DOCK3: variants seen among roughly 807,000 people sequenced by gnomAD.
DOCK3 encodes the protein dedicator of cytokinesis 3.
Under a neutral mutation model 265.6 loss-of-function variants are expected in DOCK3, and 60 were observed. The ratio of observed to expected loss-of-function variants is 0.23; its 90% CI spans 0.18 to 0.28. The LOEUF (loss-of-function observed/expected upper bound fraction) is 0.28. Ranked by LOEUF, DOCK3 falls within the 10% of genes least tolerant of loss-of-function variation. The pLI is 1.00. For missense variants in DOCK3, 1,981 were observed against 2,594.3 expected, an observed-to-expected ratio of 0.76 and a Z score of 5.14; for synonymous variants, 881 against 938.0, an observed-to-expected ratio of 0.94 and a Z score of 1.11.
intron 32 of DOCK3, among the ~76,000 whole-genome samples, chr3:51,328,030 G>T (rs780919992): frequency 2.0e-4 from 31 of 152,122 alleles, no homozygotes; most frequent in African/African-American, 4.8e-5. Flanking sequence ...ACTTGAATAG[G>T]TATCAGAAGC....
intron 5 of DOCK3, among the ~76,000 whole-genome samples, chr3:50,999,573 A>G (rs1046987766): frequency 6.6e-6 from 1 of 152,104 alleles, no homozygotes; most frequent in Non-Finnish European, 1.5e-5. Context: ...CGTACTGATG[A>G]CTCAGAAATT....
intron 29 of DOCK3, 135 bp from the exon 30 acceptor site, chr3:51,312,341 G>C: frequency 1.1e-6 from 1 of 908,818 alleles, no homozygotes; most frequent in Non-Finnish European, 1.7e-6. Context: ...TGTTTGCAAA[G>C]ATATTTAAAA....
intron 50 of DOCK3, 66 bp from the exon 51 acceptor site, chr3:51,375,682 C>G: frequency 6.3e-7 from 1 of 1,583,472 alleles, no homozygotes; most frequent in Non-Finnish European, 8.7e-7. Flanking sequence ...TCGTCGCCCA[C>G]AACACTGCCT....
chr3:50,914,918 A>G (rs904608127), intron 4 of DOCK3, among the ~76,000 whole-genome samples: 3 of 151,998 alleles, frequency 2.0e-5, no homozygotes, highest in African/African-American at 7.3e-5. Flanking sequence ...GCTGGGTTCT[A>G]GGTGGATGTT....
intron 27 of DOCK3, among the ~76,000 whole-genome samples, chr3:51,291,747 A>G (rs1327537331): frequency 1.3e-5 from 2 of 152,218 alleles, no homozygotes; most frequent in East Asian, 3.8e-4. Context: ...AACTCATTTC[A>G]TGGGGCTAGC....
chr3:50,741,741 G>C (rs1439290780), intron 1 of DOCK3, among the ~76,000 whole-genome samples: 33 of 151,920 alleles, frequency 2.2e-4, no homozygotes, highest in African/African-American at 5.3e-4. Context: ...ACATACGTGT[G>C]CGTGTGTCTT....
At chr3:51,063,134 G>C (rs1442150572) in intron 5 of DOCK3, among the ~76,000 whole-genome samples, 1 of 152,080 alleles carries the variant, frequency 6.6e-6, no homozygotes, top group Non-Finnish European at 1.5e-5. Flanking sequence ...TCTAATCCCA[G>C]CACTTTAGGG....
In DOCK3 at chr3:50,771,885, CAAAAT is replaced by C. The variant is rs1201889629; in HGVS notation, c.38-6785_38-6781del. 5.9e-5 allele frequency among the ~76,000 whole-genome samples: 9 copies of C among 152,020 alleles called. No homozygotes were observed. The South Asian group carries it at 1.5e-3, about 25-fold the overall frequency. On this transcript the variant is annotated intron_variant, in intron 1 of 52. Transcript: ENST00000266037. ...AACAAAAACAAAACAAAAAACAAAACAAAATAAAACAAAAAAATCTAGAGCTACTG... is the reference window on the plus strand; with the variant it reads ...AACAAAAACAAAACAAAAAACAAAACAAAACAAAAAAATCTAGAGCTACTG...
chr3:51,176,632 A>C (rs988493261), intron 12 of DOCK3, among the ~76,000 whole-genome samples: 12 of 152,188 alleles, frequency 7.9e-5, no homozygotes, highest in Non-Finnish European at 2.9e-5. Context: ...TCTCAAAAAA[A>C]AAAAGTGGTT....
At chr3:51,047,505 TCAA>T (rs2080824581) in intron 5 of DOCK3, among the ~76,000 whole-genome samples, 1 of 150,432 alleles carries the variant, frequency 6.6e-6, no homozygotes, top group Admixed American at 6.6e-5. Flanking sequence ...AAAAATAAAA[TCAA>T]CAAACAGGTA....
At chr3:50,813,011 A>G (rs2043857586) in intron 2 of DOCK3, among the ~76,000 whole-genome samples, 1 of 152,210 alleles carries the variant, frequency 6.6e-6, no homozygotes. Context: ...TCTAAAGCAT[A>G]TTTCTAAGTC....
chr3:50,712,702 T>C, intron 1 of DOCK3, among the ~76,000 whole-genome samples: 1 of 152,238 alleles, frequency 6.6e-6, no homozygotes, highest in Non-Finnish European at 1.5e-5. Context: ...TTTCTGTTTT[T>C]CTTTGTGATT....
intron 1 of DOCK3, among the ~76,000 whole-genome samples, chr3:50,763,928 A>G (rs1411233084): frequency 6.6e-6 from 1 of 152,176 alleles, no homozygotes; most frequent in East Asian, 1.9e-4. Context: ...TCTCACCAAA[A>G]TGCTAATGGT....
intron 5 of DOCK3, among the ~76,000 whole-genome samples, chr3:50,992,499 G>A (rs1000945288): frequency 6.6e-6 from 1 of 152,162 alleles, no homozygotes; most frequent in African/African-American, 2.4e-5. Context: ...GTTTCACCAT[G>A]TTGGCTAGGC....
At chr3:50,984,461 T>C (rs2108575803) in intron 5 of DOCK3, among the ~76,000 whole-genome samples, 1 of 152,326 alleles carries the variant, frequency 6.6e-6, no homozygotes. Context: ...TAGAGACTAT[T>C]TCTCTCTCAT....
At chr3:51,150,140 G>C (rs1307214702) in intron 10 of DOCK3, among the ~76,000 whole-genome samples, 2 of 152,176 alleles carry the variant, frequency 1.3e-5, no homozygotes, top group African/African-American at 4.8e-5. Flanking sequence ...GGTGTTTATA[G>C]TATTCTCTGA....
intron 1 of DOCK3, among the ~76,000 whole-genome samples, chr3:50,728,710 C>G (rs1335550119): frequency 1.5e-5 from 2 of 132,246 alleles, no homozygotes; most frequent in Non-Finnish European, 3.1e-5. Flanking sequence ...CAGAGTGATA[C>G]TATATTAAAT....
chr3:51,374,391 A>C lies in DOCK3; in HGVS notation c.5294-78A>C. The C allele has an allele frequency of 3.7e-6, 5 of 1,346,474 alleles. No individual in the cohort carries two copies. Among genetic ancestry groups the C allele is most frequent in the South Asian group, 1.3e-5 (1 of 79,690 alleles). The allele number at this position is 1,346,474 out of a possible 1,614,324, so 83.4% of individuals were successfully genotyped here. On this transcript the variant is annotated intron_variant, in intron 49 of 52. Coordinates refer to ENST00000266037, the MANE Select transcript of DOCK3 (RefSeq NM_004947.5). The surrounding 1 kb of genome is among the most constrained non-coding windows in gnomAD (Gnocchi z 4.8). ...TAAGGGACACCTACCCTGGTTCCCT[A>C]GTCCTGAGGATGCTTGACTGCTGGA... is the stretch of plus-strand genomic sequence containing the variant.
intron 4 of DOCK3, among the ~76,000 whole-genome samples, chr3:50,916,005 T>C (rs1328285872): frequency 6.6e-6 from 1 of 151,946 alleles, no homozygotes; most frequent in African/African-American, 2.4e-5. Context: ...GATGAAGGAA[T>C]GCCATGTCTG....
Sources: allele counts gnomAD v4.1 joint callset (sites outside exome capture counted in the v4.1 genomes callset), GRCh38; gene constraint gnomAD v4.1.1; non-coding constraint Gnocchi (gnomAD v3.1); transcripts MANE v1.5; gene names NCBI Gene and HGNC (gene_info 2026-07-23, HGNC 2026-07-21).